The following RBFOX3 variants were observed in gnomAD, a reference collection of about 807,000 sequenced individuals.
RBFOX3 encodes RNA binding protein fox-1 homolog 3.
In RBFOX3, 17 loss-of-function variants were observed where a neutral mutation model predicts 48.7. The observed-to-expected ratio is 0.35, with a 90% CI of 0.24 to 0.52. The LOEUF (loss-of-function observed/expected upper bound fraction) is 0.52. Ranked by LOEUF, RBFOX3 falls within the 20% of genes least tolerant of loss-of-function variation. The pLI, the probability that RBFOX3 is intolerant of heterozygous loss-of-function variation, is 0.94. For synonymous variants in RBFOX3, 212 were observed against 209.5 expected (o/e 1.01, Z -0.10); for missense variants, 382 against 497.5 (o/e 0.77, Z 2.21).
intron 1 of RBFOX3, among the ~76,000 whole-genome samples, chr17:79,514,575 T>A (rs1599013487): frequency 6.6e-6 from 1 of 152,334 alleles, no homozygotes; most frequent in East Asian, 1.9e-4. Flanking sequence ...CCTGCCCTTT[T>A]GTGGCCACTG....
At chr17:79,308,198 G>GTC (rs71309103) in intron 2 of RBFOX3, among the ~76,000 whole-genome samples, 2,759 of 152,318 alleles carry the variant, frequency 0.018, 97 homozygotes, top group South Asian at 0.15. Flanking sequence ...CGGGCCCCAG[G>GTC]TCTCTCATGC....
intron 4 of RBFOX3, among the ~76,000 whole-genome samples, chr17:79,176,031 G>C (rs568727565): frequency 1.3e-5 from 2 of 152,328 alleles, no homozygotes; most frequent in South Asian, 2.1e-4. Flanking sequence ...TGAACCCCAG[G>C]AAGGGCAGGA....
chr17:79,317,391 C>T (rs72849028), intron 2 of RBFOX3, among the ~76,000 whole-genome samples: 4,562 of 152,372 alleles, frequency 0.03, 101 homozygotes, highest in Admixed American at 0.045. Context: ...AGAACAAAGA[C>T]GCAGATTTGA....
intron 2 of RBFOX3, among the ~76,000 whole-genome samples, chr17:79,419,115 AT>A (rs1438102349): frequency 6.6e-6 from 1 of 151,954 alleles, no homozygotes; most frequent in Non-Finnish European, 1.5e-5. Flanking sequence ...CCATGATTTC[AT>A]TTTTCCCCAC....
At chr17:79,574,804 G>A (rs1348551582) in intron 1 of RBFOX3, among the ~76,000 whole-genome samples, 1 of 152,216 alleles carries the variant, frequency 6.6e-6, no homozygotes, top group Non-Finnish European at 1.5e-5. Context: ...CCACGCTGGT[G>A]CCAGAGACAG....
At chr17:79,346,192 G>C (rs1055758524) in intron 2 of RBFOX3, among the ~76,000 whole-genome samples, 1 of 152,162 alleles carries the variant, frequency 6.6e-6, no homozygotes, top group African/African-American at 2.4e-5. Flanking sequence ...CAAAGTGCTA[G>C]GATTACAGGT....
rs1428429825 is a variant in RBFOX3, at chr17:79,443,696, CAT to C, written c.-175+38756_-175+38757del. Among the ~76,000 whole-genome samples the C allele has an allele frequency of 5.9e-5, 9 of 152,352 alleles. No homozygotes were observed. Among genetic ancestry groups the C allele is most frequent in the Non-Finnish European group, 8.8e-5 (6 of 68,026 alleles). On this transcript the variant is annotated intron_variant, in intron 2 of 14. Transcript: ENST00000693108. This position sits in a 1 kb window ranked among gnomAD's most constrained non-coding sequence, Gnocchi z 4.4. Reference sequence around the variant, plus strand: ...CCGCACCCTCTTGTTCACTGTCTCACATGTGCACACACTCGTTCTCACATGCT... The same window carrying C: ...CCGCACCCTCTTGTTCACTGTCTCACGTGCACACACTCGTTCTCACATGCT...
At chr17:79,197,514 G>A (rs763746965) in intron 4 of RBFOX3, among the ~76,000 whole-genome samples, 15 of 150,542 alleles carry the variant, frequency 1.0e-4, no homozygotes, top group Admixed American at 2.7e-4. Context: ...TCAGCCTCCC[G>A]AGTAGCTGGG....
chr17:79,502,864 C>T (rs1248254894), intron 1 of RBFOX3, among the ~76,000 whole-genome samples: 2 of 152,208 alleles, frequency 1.3e-5, no homozygotes, highest in Non-Finnish European at 2.9e-5. Context: ...GGGACCCTGC[C>T]GCCACCACCC....
At chr17:79,366,757 T>G (rs995978683) in intron 2 of RBFOX3, among the ~76,000 whole-genome samples, 1 of 152,200 alleles carries the variant, frequency 6.6e-6, no homozygotes, top group African/African-American at 2.4e-5. Flanking sequence ...CTGGCAGGAC[T>G]GGGGCACAGC....
At chr17:79,611,183 T>C (rs1307665810), upstream of RBFOX3, among the ~76,000 whole-genome samples, 3 of 41,486 alleles carry the variant, frequency 7.2e-5, no homozygotes, top group African/African-American at 2.6e-4. Context: ...TCCGCCCTCC[T>C]TCTCTCTCTC....
intron 1 of RBFOX3, among the ~76,000 whole-genome samples, chr17:79,517,509 C>T (rs1418436241): frequency 4.0e-5 from 6 of 148,754 alleles, no homozygotes; most frequent in Non-Finnish European, 5.9e-5. Flanking sequence ...GAGGATGAGA[C>T]GAAAGGAAGA....
At chr17:79,371,003 G>GA (rs886828358) in intron 2 of RBFOX3, among the ~76,000 whole-genome samples, 8 of 152,098 alleles carry the variant, frequency 5.3e-5, no homozygotes, top group South Asian at 4.1e-4. Flanking sequence ...CCCCCGGTAG[G>GA]GGGTTAGGGA....
At chr17:79,257,071 G>C (rs908656484) in intron 3 of RBFOX3, among the ~76,000 whole-genome samples, 4 of 152,204 alleles carry the variant, frequency 2.6e-5, no homozygotes, top group African/African-American at 9.7e-5. Context: ...CAGCAGACGG[G>C]TCCCCTCCAG....
chr17:79,642,772 A>T, the RBFOX3 span, among the ~76,000 whole-genome samples: 1 of 152,206 alleles, frequency 6.6e-6, no homozygotes, highest in South Asian at 2.1e-4. Context: ...CAAACAGAAA[A>T]CAAATAGGAA....
At chr17:79,518,772 C>A (rs1298208839) in intron 1 of RBFOX3, among the ~76,000 whole-genome samples, 1 of 152,232 alleles carries the variant, frequency 6.6e-6, no homozygotes, top group African/African-American at 2.4e-5. Context: ...ATGAGCAAAC[C>A]CACAGGAAGG....
rs544415557 is a variant in RBFOX3 at position 79,512,721 on chromosome 17, C to T, written c.-319-30123G>A. Among the ~76,000 whole-genome samples, 3 of 142,164 alleles carry T rather than the reference C, an allele frequency of 2.1e-5. No homozygotes were observed. In the South Asian group the frequency reaches 6.8e-4, roughly 32 times the overall value. 93.3% of individuals were successfully genotyped at this position (142,164 alleles called of 152,430 possible). A position where few individuals can be genotyped will look rare whatever the true frequency, so the allele number is the denominator to read the frequency against. ...AGCCCCATGGCCAAGGGACACCCAC[C>T]CGGATACGTGTTACCATCGGGTACG... On this transcript the variant is annotated intron_variant, in intron 1 of 14. Transcript: ENST00000693108.
intron 1 of RBFOX3, among the ~76,000 whole-genome samples, chr17:79,571,950 C>T (rs2092693990): frequency 1.3e-5 from 2 of 152,202 alleles, no homozygotes; most frequent in Admixed American, 6.5e-5. Flanking sequence ...CGACCCCTCA[C>T]CTGCAGGACT....
At chr17:79,368,429 T>C (rs888611945) in intron 2 of RBFOX3, among the ~76,000 whole-genome samples, 1 of 152,242 alleles carries the variant, frequency 6.6e-6, no homozygotes, top group African/African-American at 2.4e-5. Context: ...CTATTTGAAC[T>C]GTGTTCATTT....
Sources: allele counts gnomAD v4.1 joint callset (sites outside exome capture counted in the v4.1 genomes callset), GRCh38; gene constraint gnomAD v4.1.1; non-coding constraint Gnocchi (gnomAD v3.1); transcripts MANE v1.5; gene names NCBI Gene and HGNC (gene_info 2026-07-23, HGNC 2026-07-21).